GRIN1: variants seen among roughly 807,000 people sequenced by gnomAD.
GRIN1 encodes glutamate ionotropic receptor NMDA type subunit 1, also known as glutamate receptor ionotropic, NMDA 1.
In GRIN1, 38 loss-of-function variants were observed where a neutral mutation model predicts 103.0. The ratio of observed to expected loss-of-function variants is 0.37; its 90% CI spans 0.28 to 0.48. The LOEUF is 0.48. GRIN1 is among the 20% of genes least tolerant of loss of function. The pLI, the probability that GRIN1 is intolerant of heterozygous loss-of-function variation, is 0.98. For missense variants in GRIN1, 577 were observed against 1,288.9 expected (o/e 0.45, Z 8.46); for synonymous variants, 544 against 532.7 (o/e 1.02, Z -0.29).
chr9:137,153,481 A>G (rs1833029256), intron 4 of GRIN1, among the ~76,000 whole-genome samples: 3 of 151,372 alleles, frequency 2.0e-5, no homozygotes, highest in Non-Finnish European at 2.9e-5. Context: ...ATGCACCATC[A>G]TGTACAGGTC....
intron 18 of GRIN1, chr9:137,164,530 TC>T (rs1833758419): frequency 5.7e-6 from 1 of 176,206 alleles, no homozygotes; most frequent in Admixed American, 5.4e-5. Context: ...CTGGGTGCCG[TC>T]CTGGAGCCTG....
intron 10 of GRIN1, 99 bp from the exon 11 acceptor site, chr9:137,161,825 A>T: frequency 8.1e-7 from 1 of 1,241,580 alleles, no homozygotes; most frequent in Non-Finnish European, 1.1e-6. Flanking sequence ...CTTGGGGAGA[A>T]GACCCCCGGA....
chr9:137,165,380 G>A (rs1833813471), intron 19 of GRIN1, 84 bp downstream of exon 19: 1 of 886,948 alleles, frequency 1.1e-6, no homozygotes, highest in Non-Finnish European at 1.9e-6. Flanking sequence ...CCCCGCCCCG[G>A]ACCCTGGGCT....
intron 4 of GRIN1, among the ~76,000 whole-genome samples, chr9:137,153,580 C>T (rs1468894605): frequency 6.6e-6 from 1 of 152,160 alleles, no homozygotes; most frequent in Admixed American, 6.5e-5. Flanking sequence ...CGTGCATCTA[C>T]ACATACAGAT....
chr9:137,167,788 TGATATCACG>T lies in GRIN1; in HGVS notation c.*263_*271del. 1 of 1,612,146 alleles carries T rather than the reference TGATATCACG, an allele frequency of 6.2e-7. No individual in the cohort carries two copies. The highest frequency in any genetic ancestry group is 8.5e-7 in the Non-Finnish European group (1 of 1,179,568). On this transcript the variant is annotated 3_prime_UTR_variant, in exon 20 of 20. Coordinates refer to ENST00000371561, the MANE Select transcript of GRIN1 (RefSeq NM_007327.4). ...CTATTTTGCAGCAGTACCATCCCAC[TGATATCACG>T]GGCCCGCTCAACCTCTCAGATCCCT...
rs2071644 is a variant in GRIN1, at chr9:137,164,457, G to A, written c.2589+553G>A. 2.3e-4 allele frequency: 48 copies of A among 205,666 alleles called. No homozygotes were observed. The East Asian group carries it at 5.8e-3, about 25-fold the overall frequency. The allele number at this position is 205,666 out of a possible 1,614,324, so 12.7% of individuals were successfully genotyped here. A position where few individuals can be genotyped will look rare whatever the true frequency, so the allele number is the denominator to read the frequency against. On this transcript the variant is annotated intron_variant, in intron 18 of 19. Transcript: ENST00000371561. ...CTGGGACAGGGTGGGCAGTGGGCCT[G>A]TACAGGCCTAAGGGCTCGTGGCCCG...
In GRIN1 at chr9:137,167,908, G is replaced by A; in HGVS notation, c.*381G>A. ...GGACACTGATGGGTCCTGCTGCTCG[G>A]GAAGGCCTGAGGGAAGCCCACCCGC... On this transcript the variant is annotated 3_prime_UTR_variant, in exon 20 of 20. Coordinates refer to ENST00000371561, the MANE Select transcript of GRIN1 (RefSeq NM_007327.4). 6.8e-7 allele frequency: 1 copy of A among 1,470,872 alleles called. No individual in the cohort carries two copies. The highest frequency in any genetic ancestry group is 1.7e-5 in the Admixed American group (1 of 58,218). The allele number at this position is 1,470,872 out of a possible 1,614,324, so 91.1% of individuals were successfully genotyped here.
intron 4 of GRIN1, among the ~76,000 whole-genome samples, chr9:137,150,510 T>C (rs1318238871): frequency 2.6e-5 from 2 of 78,304 alleles, no homozygotes; most frequent in African/African-American, 1.1e-4. Context: ...TCCGCCCAGA[T>C]AAAAGCCCCG....
chr9:137,165,581 C>T (rs1395727505), intron 19 of GRIN1, among the ~76,000 whole-genome samples: 1 of 152,214 alleles, frequency 6.6e-6, no homozygotes, highest in Admixed American at 6.5e-5. Context: ...CCTGTCATCT[C>T]GTTGGTCAGT....
chr9:137,141,890 G>A (rs746626638), intron 1 of GRIN1, 123 bp from the exon 2 acceptor site: 63 of 1,046,544 alleles, frequency 6.0e-5, no homozygotes, highest in Non-Finnish European at 7.9e-5. Context: ...GCATGTACCC[G>A]AATCATGCCC....
chr9:137,158,960 T>C (rs770715538), intron 8 of GRIN1, among the ~76,000 whole-genome samples: 2 of 152,178 alleles, frequency 1.3e-5, no homozygotes, highest in African/African-American at 2.4e-5. Flanking sequence ...TACTTAAGTC[T>C]GGGGCAGTTA....
At position 137,167,906 on chromosome 9, in the gene GRIN1, C is replaced by A. The variant is rs1833965139; in HGVS notation, c.*379C>A. ...AAGGACACTGATGGGTCCTGCTGCTCGGGAAGGCCTGAGGGAAGCCCACCC... is the reference window on the plus strand; with the variant it reads ...AAGGACACTGATGGGTCCTGCTGCTAGGGAAGGCCTGAGGGAAGCCCACCC... On this transcript the variant is annotated 3_prime_UTR_variant, in exon 20 of 20. Transcript: ENST00000371561. 2.0e-6 allele frequency: 3 copies of A among 1,470,348 alleles called. No homozygotes were observed. The highest frequency in any genetic ancestry group is 1.1e-5 in the South Asian group (1 of 87,208). The allele number at this position is 1,470,348 out of a possible 1,614,324, so 91.1% of individuals were successfully genotyped here.
chr9:137,162,111 G>T, intron 11 of GRIN1, 23 bp downstream of exon 11: 1 of 1,528,260 alleles, frequency 6.5e-7, no homozygotes, highest in Non-Finnish European at 8.8e-7. Flanking sequence ...CGGGTGGCGG[G>T]GTGGCGGCGG....
At chr9:137,157,953 C>T (rs766111543) in intron 6 of GRIN1, among the ~76,000 whole-genome samples, 5 of 152,232 alleles carry the variant, frequency 3.3e-5, no homozygotes, top group South Asian at 2.1e-4. Context: ...ACAATGCACA[C>T]GTGCACACAC....
intron 4 of GRIN1, 108 bp from the exon 5 acceptor site, chr9:137,156,561 G>T: frequency 3.4e-6 from 5 of 1,472,862 alleles, no homozygotes; most frequent in Non-Finnish European, 4.6e-6. Context: ...CTCTAGGAGG[G>T]GATGGGGGCT....
rs763222643 is a variant in GRIN1, at chr9:137,161,197, C to T, written c.1339C>T (p.Pro447Ser). 1.7e-5 allele frequency: 28 copies of T among 1,608,614 alleles called. No homozygotes were observed. Among genetic ancestry groups the T allele is most frequent in the African/African-American group, 1.7e-4 (13 of 74,732 alleles). The change falls in exon 9 of 20, where the codon CCC becomes TCC. Residue 447 changes from proline (P) to serine (S), a missense_variant and splice_region_variant. Pro to Ser is a moderately conservative substitution (Grantham distance 74). Coordinates refer to ENST00000371561, the MANE Select transcript of GRIN1 (RefSeq NM_007327.4). ...GCCCAACGACACGTCGCCGGGCAGC[C>T]GTGAGTGCGCGGGGCAGGGCGCGGG... ...TGPNDTSPGS[P>S]RHTVPQCCYG... is the part of the protein sequence containing the mutation.
chr9:137,161,903 G>A, intron 10 of GRIN1, 21 bp from the exon 11 acceptor site: 1 of 1,550,132 alleles, frequency 6.5e-7, no homozygotes, highest in Non-Finnish European at 8.7e-7. Context: ...CTGCATGCCC[G>A]CCGGCTCTGT....
chr9:137,162,804 C>G, intron 14 of GRIN1, 42 bp from the exon 15 acceptor site: 5 of 1,607,528 alleles, frequency 3.1e-6, no homozygotes, highest in Non-Finnish European at 4.2e-6. Flanking sequence ...GGTTAGGGGC[C>G]TGGGGAGCCG....
intron 18 of GRIN1, 52 bp downstream of exon 18, chr9:137,163,956 G>A (rs751798542): frequency 8.1e-6 from 13 of 1,595,798 alleles, no homozygotes; most frequent in Middle Eastern, 1.7e-4. Context: ...GCCTGGCCAC[G>A]GCCCTCCTCC....
Sources: gnomAD v4.1 joint callset for allele counts (sites outside exome capture counted in the v4.1 genomes callset) on GRCh38, gnomAD v4.1.1 for gene constraint, MANE v1.5 for transcripts, NCBI Gene and HGNC (gene_info 2026-07-23, HGNC 2026-07-21) for gene names.